Variants in PCDHA6 observed in about 807,000 individuals in gnomAD.
PCDHA6 encodes protocadherin alpha 6.
A neutral mutation model predicts 60.3 loss-of-function variants in PCDHA6; 55 were observed. The observed-to-expected ratio is 0.91, with a 90% CI of 0.73 to 1.14. The LOEUF (loss-of-function observed/expected upper bound fraction) is 1.14, where lower values mean the gene tolerates loss of function less well. Among genes scored for constraint, PCDHA6 ranks in the 50% most tolerant of loss-of-function variants. The probability of loss-of-function intolerance (pLI) is 0.00; values close to 1 mark genes in which losing one functional copy is unlikely to be tolerated. For missense variants in PCDHA6, 1,327 were observed against 1,256.5 expected (o/e 1.06, Z -0.85); for synonymous variants, 652 against 557.9 (o/e 1.17, Z -2.38).
intron 1 of PCDHA6, chr5:140,855,925 C>G (rs1161071214): frequency 2.4e-6 from 3 of 1,240,504 alleles, no homozygotes; most frequent in Non-Finnish European, 3.4e-6. Flanking sequence ...TAGGAAGTAG[C>G]GTCATTCTGA....
intron 1 of PCDHA6, among the ~76,000 whole-genome samples, chr5:140,838,217 A>C (rs1332894700): frequency 6.7e-6 from 1 of 150,262 alleles, no homozygotes; most frequent in Non-Finnish European, 1.5e-5. Context: ...TGGTACAAGC[A>C]GTTCTCATGC....
intron 1 of PCDHA6, among the ~76,000 whole-genome samples, chr5:140,913,425 G>A (rs919355007): frequency 1.1e-4 from 16 of 152,094 alleles, no homozygotes; most frequent in African/African-American, 1.2e-4. Context: ...AGTATCAGTT[G>A]TAATGCCTCC....
At chr5:140,855,517 A>G (rs2043504995) in intron 1 of PCDHA6, among the ~76,000 whole-genome samples, 1 of 149,978 alleles carries the variant, frequency 6.7e-6, no homozygotes, top group Admixed American at 6.7e-5. Flanking sequence ...TCTCAAAATA[A>G]TGAGAAAGAG....
chr5:140,952,081 A>G (rs1554220214), intron 1 of PCDHA6, among the ~76,000 whole-genome samples: 3 of 152,064 alleles, frequency 2.0e-5, no homozygotes. Flanking sequence ...CATTGACTCC[A>G]TGTCTCACAT....
intron 1 of PCDHA6, among the ~76,000 whole-genome samples, chr5:140,951,398 A>T (rs1428015395): frequency 6.6e-6 from 1 of 152,100 alleles, no homozygotes; most frequent in Non-Finnish European, 1.5e-5. Flanking sequence ...TTATAAAGAA[A>T]AGAGGTTTAA....
chr5:140,962,023 A>G (rs565113928), intron 1 of PCDHA6, among the ~76,000 whole-genome samples: 3 of 152,062 alleles, frequency 2.0e-5, no homozygotes, highest in African/African-American at 7.2e-5. Flanking sequence ...AGCTGGGACT[A>G]CAGGCACCCA....
At chr5:140,969,519 G>T in intron 1 of PCDHA6, 2 of 1,406,074 alleles carry the variant, frequency 1.4e-6, no homozygotes, top group Admixed American at 2.8e-5. Context: ...CTAAAGAATT[G>T]TTTTATTTTT....
At chr5:140,877,761 C>T (rs2057326734) in intron 1 of PCDHA6, 4 of 1,614,180 alleles carry the variant, frequency 2.5e-6, no homozygotes, top group Non-Finnish European at 8.5e-7. Flanking sequence ...CTGCAGAGAG[C>T]CCGCCCAAGA....
intron 1 of PCDHA6, chr5:140,878,013 G>A (rs1554170262): frequency 2.4e-6 from 2 of 839,000 alleles, no homozygotes; most frequent in South Asian, 2.6e-5. Context: ...TAACATTAAT[G>A]AAGGAAATAT....
intron 1 of PCDHA6, among the ~76,000 whole-genome samples, chr5:140,947,967 T>C (rs565128955): frequency 1.2e-4 from 18 of 151,462 alleles, no homozygotes; most frequent in Non-Finnish European, 2.2e-4. Flanking sequence ...ATTAAGTATG[T>C]GCTACTCATA....
At chr5:140,920,548 C>T (rs1222470517) in intron 1 of PCDHA6, among the ~76,000 whole-genome samples, 5 of 152,186 alleles carry the variant, frequency 3.3e-5, no homozygotes, top group Admixed American at 6.5e-5. Context: ...ATTTCACCTT[C>T]GAAGTGTGGC....
chr5:140,967,515 C>G, intron 1 of PCDHA6: 1 of 1,612,792 alleles, frequency 6.2e-7, no homozygotes, highest in Non-Finnish European at 8.5e-7. Flanking sequence ...GTCCTGGACA[C>G]TAACGACAAC....
chr5:140,863,022 C>T (rs1339638342), intron 1 of PCDHA6: 3 of 554,506 alleles, frequency 5.4e-6, no homozygotes, highest in Non-Finnish European at 7.1e-6. Flanking sequence ...GCCTGGTTGT[C>T]GCAACAGCTG....
At chr5:140,892,758 A>G (rs936927643) in intron 1 of PCDHA6, among the ~76,000 whole-genome samples, 2 of 152,210 alleles carry the variant, frequency 1.3e-5, no homozygotes, top group Non-Finnish European at 2.9e-5. Flanking sequence ...AACATTTAAA[A>G]TCCACTCTTC....
intron 1 of PCDHA6, among the ~76,000 whole-genome samples, chr5:140,891,360 G>T (rs2063061562): frequency 6.6e-6 from 1 of 151,060 alleles, no homozygotes; most frequent in Admixed American, 6.6e-5. Context: ...CATCACCTGA[G>T]CAGTATACAT....
intron 1 of PCDHA6, among the ~76,000 whole-genome samples, chr5:140,952,427 C>T (rs2094744253): frequency 6.6e-6 from 1 of 152,162 alleles, no homozygotes; most frequent in African/African-American, 2.4e-5. Flanking sequence ...CAGATTCCTA[C>T]AGCACAGGCA....
At position 140,858,057 on chromosome 5, in the gene PCDHA6, A is replaced by G. The variant is rs781982906; in HGVS notation, c.2394+27572A>G. On this transcript the variant is annotated intron_variant, in intron 1 of 3. Coordinates refer to ENST00000529310, the MANE Select transcript of PCDHA6 (RefSeq NM_018909.4). ...GCCACTGTGCTTGTGTCGCTTGTGG[A>G]GGGCAGCCAGGCACCCAAGGCCTCG... 1.9e-6 allele frequency: 3 copies of G among 1,597,162 alleles called. No homozygotes were observed. In the South Asian group the frequency reaches 3.3e-5, roughly 18 times the overall value.
intron 1 of PCDHA6, chr5:140,928,537 A>G (rs2085311063): frequency 1.2e-6 from 2 of 1,614,198 alleles, no homozygotes; most frequent in African/African-American, 2.7e-5. Context: ...GGTAGATAGG[A>G]ATGACAATTA....
chr5:140,971,165 G>C (rs1390176241), intron 1 of PCDHA6, among the ~76,000 whole-genome samples: 1 of 152,136 alleles, frequency 6.6e-6, no homozygotes, highest in Non-Finnish European at 1.5e-5. Context: ...GCTCAGCTTT[G>C]CCACCAGCTG....
Sources: gnomAD v4.1 joint callset for allele counts (sites outside exome capture counted in the v4.1 genomes callset) on GRCh38, gnomAD v4.1.1 for gene constraint, MANE v1.5 for transcripts, NCBI Gene and HGNC (gene_info 2026-07-23, HGNC 2026-07-21) for gene names.